Variants in ELAVL3 observed in about 807,000 individuals in gnomAD.
ELAVL3 encodes the protein ELAV like RNA binding protein 3.
Under a neutral mutation model 34.2 loss-of-function variants are expected in ELAVL3, and 8 were observed. The ratio of observed to expected loss-of-function variants is 0.23; its 90% CI spans 0.14 to 0.42. The LOEUF is 0.42. ELAVL3 is among the 10% of genes least tolerant of loss of function. ELAVL3 has a pLI of 1.00. For missense variants in ELAVL3, 273 were observed against 518.8 expected, an observed-to-expected ratio of 0.53 and a Z score of 4.60; for synonymous variants, 209 against 222.1, an observed-to-expected ratio of 0.94 and a Z score of 0.53.
Position 11,480,382 on chromosome 19 carries a change from A to T in ELAVL3, c.9+218T>A, listed in dbSNP as rs1380636188. ...GTCGGACGCCTCCCGAATCGCAGTC[A>T]GTCTCCCTAAGGCCCTCTCAGACCA... On this transcript the variant is annotated intron_variant, in intron 1 of 6. Coordinates refer to ENST00000359227, the MANE Select transcript of ELAVL3 (RefSeq NM_001420.4). The surrounding 1 kb of genome is among the most constrained non-coding windows in gnomAD (Gnocchi z 6.8). The T allele has an allele frequency of 1.8e-5, 8 of 436,832 alleles. No homozygotes were observed. Among genetic ancestry groups the T allele is most frequent in the Non-Finnish European group, 3.1e-5 (8 of 258,376 alleles). The allele number at this position is 436,832 out of a possible 1,614,324, so 27.1% of individuals were successfully genotyped here.
At chr19:11,471,603 ACT>A (rs1343530033) in intron 1 of ELAVL3, among the ~76,000 whole-genome samples, 5 of 150,642 alleles carry the variant, frequency 3.3e-5, no homozygotes, top group African/African-American at 4.9e-5. Flanking sequence ...ACAGAGAGAG[ACT>A]CTGTCTCAAA....
chr19:11,456,210 G>T (rs1329585171), intron 6 of ELAVL3, among the ~76,000 whole-genome samples: 1 of 150,378 alleles, frequency 6.6e-6, no homozygotes, highest in African/African-American at 2.4e-5. Context: ...GGTTCAAGCA[G>T]TTCTCTGCCT....
At position 11,466,898 on chromosome 19, in the gene ELAVL3, G is replaced by C; in HGVS notation, c.10-71C>G. ...AGGGGCCTGCGGCAATGAGTGGCTT[G>C]GTGGTGATGAATTAGCCATGTCTTA... On this transcript the variant is annotated intron_variant, in intron 1 of 6. Transcript: ENST00000359227. This position sits in a 1 kb window ranked among gnomAD's most constrained non-coding sequence, Gnocchi z 5.0. 2 of 1,349,728 alleles carry C rather than the reference G, an allele frequency of 1.5e-6. No individual in the cohort carries two copies. The highest frequency in any genetic ancestry group is 2.0e-6 in the Non-Finnish European group (2 of 975,882). 83.6% of individuals were successfully genotyped at this position (1,349,728 alleles called of 1,614,324 possible).
intron 6 of ELAVL3, among the ~76,000 whole-genome samples, chr19:11,455,299 A>ATTTT (rs566267500): frequency 8.1e-6 from 1 of 123,006 alleles, no homozygotes; most frequent in East Asian, 2.5e-4. Context: ...TGCCCCACTA[A>ATTTT]TTTTTTTTTT....
At chr19:11,464,906 AACAC>A (rs1157332689) in intron 3 of ELAVL3, among the ~76,000 whole-genome samples, 11 of 61,718 alleles carry the variant, frequency 1.8e-4, no homozygotes, top group African/African-American at 6.6e-4. Flanking sequence ...ACACACCACA[AACAC>A]ACACCACACA....
At position 11,466,532 on chromosome 19, in the gene ELAVL3, G is replaced by A. The variant is rs1971055570; in HGVS notation, c.229+76C>T. 6.5e-7 allele frequency: 1 copy of A among 1,527,832 alleles called. No homozygotes were observed. 94.6% of individuals were successfully genotyped at this position (1,527,832 alleles called of 1,614,324 possible). A position where few individuals can be genotyped will look rare whatever the true frequency, so the allele number is the denominator to read the frequency against. Reference sequence around the variant, plus strand: ...TTACCCCCGAGACACCTCAGCAAGGGTCCCACCTGCCCCCATCACCTCTGT... The same window carrying A: ...TTACCCCCGAGACACCTCAGCAAGGATCCCACCTGCCCCCATCACCTCTGT... On this transcript the variant is annotated intron_variant, in intron 2 of 6. Coordinates refer to ENST00000359227, the MANE Select transcript of ELAVL3 (RefSeq NM_001420.4). The surrounding 1 kb of genome is among the most constrained non-coding windows in gnomAD (Gnocchi z 5.0).
At chr19:11,457,183 C>T in intron 5 of ELAVL3, 35 bp from the exon 6 acceptor site, 1 of 1,542,956 alleles carries the variant, frequency 6.5e-7, no homozygotes, top group South Asian at 1.2e-5. Context: ...GAGGTGGCTT[C>T]CAGTCACGCC....
Position 11,480,948 on chromosome 19 carries a change from GC to G in ELAVL3, c.-341del. 1 of 268,370 alleles carries G rather than the reference GC, an allele frequency of 3.7e-6. No individual in the cohort carries two copies. Among genetic ancestry groups the G allele is most frequent in the Non-Finnish European group, 7.0e-6 (1 of 142,288 alleles). 16.6% of individuals were successfully genotyped at this position (268,370 alleles called of 1,614,324 possible). A position where few individuals can be genotyped will look rare whatever the true frequency, so the allele number is the denominator to read the frequency against. On this transcript the variant is annotated 5_prime_UTR_variant, in exon 1 of 7. Transcript: ENST00000359227. This position sits in a 1 kb window ranked among gnomAD's most constrained non-coding sequence, Gnocchi z 6.8. Reference sequence around the variant, plus strand: ...TCGCGGCGCTCTGCCTTTCGCCGCCGCCCCTCGGTCGGTCCTGTCCGGTCCC... The same window carrying G: ...TCGCGGCGCTCTGCCTTTCGCCGCCGCCCTCGGTCGGTCCTGTCCGGTCCC...
intron 3 of ELAVL3, among the ~76,000 whole-genome samples, 192 bp downstream of exon 3, chr19:11,465,980 G>A (rs972712021): frequency 6.6e-6 from 1 of 152,130 alleles, no homozygotes; most frequent in Non-Finnish European, 1.5e-5. Context: ...TGAGGAAACT[G>A]AGGTTTAGAG....
At chr19:11,461,187 A>G (rs376852626) in intron 3 of ELAVL3, among the ~76,000 whole-genome samples, 86 of 152,200 alleles carry the variant, frequency 5.7e-4, no homozygotes, top group African/African-American at 2.1e-3. Flanking sequence ...TCTAAAAAAA[A>G]AAAGAGAAAA....
intron 1 of ELAVL3, among the ~76,000 whole-genome samples, chr19:11,478,535 G>C (rs1381070653): frequency 6.6e-6 from 1 of 152,110 alleles, no homozygotes; most frequent in Admixed American, 6.6e-5. Flanking sequence ...GGGAGGAGGA[G>C]GGCAGATAAA....
At chr19:11,479,337 G>A (rs947871065) in intron 1 of ELAVL3, among the ~76,000 whole-genome samples, 1 of 152,036 alleles carries the variant, frequency 6.6e-6, no homozygotes, top group Admixed American at 6.6e-5. Flanking sequence ...GAGGGGAGAG[G>A]CTTAGGCATG....
intron 1 of ELAVL3, among the ~76,000 whole-genome samples, chr19:11,479,310 C>A (rs1971322963): frequency 6.6e-6 from 1 of 151,992 alleles, no homozygotes. Context: ...GCCAGGTGGG[C>A]GGGTCCCAGG....
At position 11,451,786 on chromosome 19, in the gene ELAVL3, G is replaced by C. The variant is rs1371468129; in HGVS notation, c.*2740C>G. 2 of 150,802 alleles carry C rather than the reference G, an allele frequency of 1.3e-5. No individual in the cohort carries two copies. The highest frequency in any genetic ancestry group is 2.9e-5 in the Non-Finnish European group (2 of 67,904). 9.3% of individuals were successfully genotyped at this position (150,802 alleles called of 1,614,324 possible). A position where few individuals can be genotyped will look rare whatever the true frequency, so the allele number is the denominator to read the frequency against. ...CCCCTCCCAGTCTTGGGGGTGGCAG[G>C]GGCCTAGGCCTCGGTGGGGGGGGGG... On this transcript the variant is annotated 3_prime_UTR_variant, in exon 7 of 7. Coordinates refer to ENST00000359227, the MANE Select transcript of ELAVL3 (RefSeq NM_001420.4).
intron 3 of ELAVL3, among the ~76,000 whole-genome samples, chr19:11,464,332 A>G (rs545178595): frequency 1.3e-5 from 2 of 150,996 alleles, no homozygotes; most frequent in South Asian, 4.2e-4. Context: ...AGCTAATTTA[A>G]ATTTTTTTTT....
At chr19:11,465,265 T>TACACACACACACCACACACAC (rs1240322308) in intron 3 of ELAVL3, among the ~76,000 whole-genome samples, 1 of 46,112 alleles carries the variant, frequency 2.2e-5, no homozygotes, top group African/African-American at 1.4e-4. Flanking sequence ...ACCGCACACA[T>TACACACACACACCACACACAC]ACACCACACA....
chr19:11,458,746 G>T lies in ELAVL3; in HGVS notation c.334-135C>A. 1 of 1,206,318 alleles carries T rather than the reference G, an allele frequency of 8.3e-7. No homozygotes were observed. The highest frequency in any genetic ancestry group is 1.2e-6 in the Non-Finnish European group (1 of 864,666). The allele number at this position is 1,206,318 out of a possible 1,614,324, so 74.7% of individuals were successfully genotyped here. ...TCACTCAATAAGTATCTCTAGAGTT[G>T]TCACCGTGGGGTGGGGCTGAGTCAG... On this transcript the variant is annotated intron_variant, in intron 3 of 6. Transcript: ENST00000359227. The surrounding 1 kb of genome is among the most constrained non-coding windows in gnomAD (Gnocchi z 7.3).
At chr19:11,468,326 T>G (rs1056276566) in intron 1 of ELAVL3, among the ~76,000 whole-genome samples, 2 of 152,224 alleles carry the variant, frequency 1.3e-5, no homozygotes, top group Admixed American at 6.5e-5. Context: ...AATGACAATT[T>G]TATTTTTTCA....
At position 11,458,649 on chromosome 19, in the gene ELAVL3, G is replaced by A. The variant is rs1158181483; in HGVS notation, c.334-38C>T. The A allele has an allele frequency of 9.3e-6, 15 of 1,609,052 alleles. No homozygotes were observed. Among genetic ancestry groups the A allele is most frequent in the Non-Finnish European group, 1.3e-5 (15 of 1,178,542 alleles). On this transcript the variant is annotated intron_variant, in intron 3 of 6. Transcript: ENST00000359227. This position sits in a 1 kb window ranked among gnomAD's most constrained non-coding sequence, Gnocchi z 7.3. ...GTCAGATGGACAGGGGTGAGGCAGA[G>A]ACCCATTTCACAGATGGAGAGAGTG... is the stretch of plus-strand genomic sequence containing the variant.
Sources: gnomAD v4.1 joint callset for allele counts (sites outside exome capture counted in the v4.1 genomes callset) on GRCh38, gnomAD v4.1.1 for gene constraint, Gnocchi (gnomAD v3.1) non-coding constraint, MANE v1.5 for transcripts, NCBI Gene and HGNC (gene_info 2026-07-23, HGNC 2026-07-21) for gene names.